TTC27: variants seen among roughly 807,000 people sequenced by gnomAD.
TTC27 encodes tetratricopeptide repeat domain 27.
TTC27 carries 79 observed loss-of-function variants against 115.9 expected under a neutral mutation model. The ratio of observed to expected loss-of-function variants is 0.68; its 90% CI spans 0.57 to 0.82. TTC27 has a LOEUF of 0.82. Ranked by LOEUF, TTC27 falls within the 40% of genes least tolerant of loss-of-function variation. The probability of loss-of-function intolerance (pLI) is 0.00; values close to 1 mark genes in which losing one functional copy is unlikely to be tolerated. For synonymous variants in TTC27, 401 were observed against 356.0 expected, an observed-to-expected ratio of 1.13 and a Z score of -1.42; for missense variants, 1,054 against 993.1, an observed-to-expected ratio of 1.06 and a Z score of -0.82.
intron 12 of TTC27, among the ~76,000 whole-genome samples, chr2:32,746,605 A>T (rs1424327148): frequency 6.7e-6 from 1 of 149,204 alleles, no homozygotes; most frequent in Non-Finnish European, 1.5e-5. Flanking sequence ...GTATATTCCC[A>T]TGGGGAAATA....
At chr2:32,723,970 G>GTTTTTTTTTTTTTTTTTTTT (rs1668025651) in intron 10 of TTC27, among the ~76,000 whole-genome samples, 27 of 66,264 alleles carry the variant, frequency 4.1e-4, no homozygotes, top group Middle Eastern at 0.01. Context: ...GCATACATAA[G>GTTTTTTTTTTTTTTTTTTTT]CTTTTTTTTT....
chr2:32,766,937 C>G (rs1669648771), intron 13 of TTC27, among the ~76,000 whole-genome samples: 1 of 152,068 alleles, frequency 6.6e-6, no homozygotes, highest in African/African-American at 2.4e-5. Flanking sequence ...AGGCATGCAC[C>G]ACCACGACCG....
chr2:32,763,176 C>T (rs992557248), intron 13 of TTC27, among the ~76,000 whole-genome samples: 5 of 152,184 alleles, frequency 3.3e-5, no homozygotes, highest in Admixed American at 6.5e-5. Context: ...CCAATTCAGG[C>T]GGGCGGTAAA....
At chr2:32,810,820 A>G (rs1053114705) in intron 16 of TTC27, among the ~76,000 whole-genome samples, 2 of 152,222 alleles carry the variant, frequency 1.3e-5, no homozygotes, top group Admixed American at 6.5e-5. Flanking sequence ...TTGAAGGGAC[A>G]TCAGAGAGGT....
At chr2:32,678,253 CAA>C (rs10710939) in intron 8 of TTC27, among the ~76,000 whole-genome samples, 1,131 of 99,096 alleles carry the variant, frequency 0.011, 19 homozygotes, top group East Asian at 0.081. Context: ...AGCCCTGTCT[CAA>C]AAAAAAAAAA....
intron 10 of TTC27, chr2:32,705,126 C>G (rs756522403): frequency 3.5e-5 from 10 of 289,516 alleles, no homozygotes; most frequent in Middle Eastern, 1.3e-3. Context: ...ATCCTAGTGC[C>G]CTCCCCACAG....
chr2:32,804,838 G>T (rs1412148750), intron 16 of TTC27, among the ~76,000 whole-genome samples: 1 of 151,908 alleles, frequency 6.6e-6, no homozygotes, highest in Non-Finnish European at 1.5e-5. Context: ...GTGATTGGCC[G>T]ATGAACCCAA....
chr2:32,799,482 C>T (rs533435555), intron 16 of TTC27, among the ~76,000 whole-genome samples: 3 of 152,244 alleles, frequency 2.0e-5, no homozygotes, highest in African/African-American at 7.2e-5. Flanking sequence ...GTTTATGATA[C>T]ACCAAACAAA....
intron 14 of TTC27, among the ~76,000 whole-genome samples, chr2:32,780,868 G>A (rs1273447296): frequency 2.7e-5 from 4 of 146,616 alleles, no homozygotes; most frequent in Admixed American, 2.7e-4. Context: ...TTTTTTTGTG[G>A]ACTCCTTAAA....
At chr2:32,642,546 C>T (rs944523510) in intron 4 of TTC27, among the ~76,000 whole-genome samples, 2 of 152,096 alleles carry the variant, frequency 1.3e-5, no homozygotes, top group Non-Finnish European at 2.9e-5. Context: ...AGCCACCGCA[C>T]CTGGCCTAAA....
rs57044153 is a variant in TTC27 at position 32,745,054 on chromosome 2, CAAAAAAAAAA to C, written c.1452+8256_1452+8265del. 1.1e-3 allele frequency among the ~76,000 whole-genome samples: 56 copies of C among 49,884 alleles called. 1 individual carries two copies. In the East Asian group the frequency reaches 0.034, roughly 30 times the overall value. The allele number at this position is 49,884 out of a possible 152,430, so 32.7% of individuals were successfully genotyped here. A position where few individuals can be genotyped will look rare whatever the true frequency, so the allele number is the denominator to read the frequency against. ...CTGGGCAACAGAGTGAACTCTGTCT[CAAAAAAAAAA>C]AAAAAAAAAAAAAAAAAGCACATAT... On this transcript the variant is annotated intron_variant, in intron 12 of 19. Coordinates refer to ENST00000317907, the MANE Select transcript of TTC27 (RefSeq NM_017735.5).
chr2:32,748,563 T>C lies in TTC27; in HGVS notation c.1453-9729T>C, dbSNP rs370847611. On this transcript the variant is annotated intron_variant, in intron 12 of 19. Coordinates refer to ENST00000317907, the MANE Select transcript of TTC27 (RefSeq NM_017735.5). ...TTGTTCAGTTGTTTATTTTTCTCTTTAGTTCTTTCAGTTTTTGCTTCATGC... is the reference window on the plus strand; with the variant it reads ...TTGTTCAGTTGTTTATTTTTCTCTTCAGTTCTTTCAGTTTTTGCTTCATGC... Among the ~76,000 whole-genome samples, 9 of 152,346 alleles carry C rather than the reference T, an allele frequency of 5.9e-5. No individual in the cohort carries two copies. In the East Asian group the frequency reaches 1.5e-3, roughly 26 times the overall value.
chr2:32,708,343 A>G (rs1667457756), intron 10 of TTC27, among the ~76,000 whole-genome samples: 1 of 69,414 alleles, frequency 1.4e-5, no homozygotes, highest in African/African-American at 5.6e-5. Flanking sequence ...ATGGAGTCTC[A>G]TTCTGTTGCC....
intron 3 of TTC27, among the ~76,000 whole-genome samples, 179 bp downstream of exon 3, chr2:32,634,184 A>T (rs762565219): frequency 2.0e-5 from 3 of 152,164 alleles, no homozygotes; most frequent in Non-Finnish European, 4.4e-5. Context: ...TTCCTTTGTC[A>T]AACTCCTCTT....
rs576053147 is a variant in TTC27 at position 32,641,791 on chromosome 2, G to A, written c.537+1381G>A. On this transcript the variant is annotated intron_variant, in intron 4 of 19. Transcript: ENST00000317907. ...CCTCCTGGGTTCAAGCAATTCTTCT[G>A]CCTCAGCCTCCCAAGTAGCTGGGAT... 1.2e-4 allele frequency among the ~76,000 whole-genome samples: 18 copies of A among 152,144 alleles called. No homozygotes were observed. In the East Asian group the frequency reaches 3.1e-3, roughly 26 times the overall value.
chr2:32,688,840 A>G (rs1230477724), intron 9 of TTC27, among the ~76,000 whole-genome samples: 1 of 152,148 alleles, frequency 6.6e-6, no homozygotes, highest in African/African-American at 2.4e-5. Context: ...TTATAAAATT[A>G]ATCATCAATT....
chr2:32,644,591 CTTTTTCTTTTTT>C (rs1559184515), intron 4 of TTC27, among the ~76,000 whole-genome samples: 1 of 151,700 alleles, frequency 6.6e-6, no homozygotes, highest in African/African-American at 2.4e-5. Flanking sequence ...TTGCCTTTTT[CTTTTTCTTTTTT>C]TTGAGATGGG....
chr2:32,759,077 G>A (rs956366322), intron 13 of TTC27, among the ~76,000 whole-genome samples: 2 of 152,168 alleles, frequency 1.3e-5, no homozygotes, highest in African/African-American at 4.8e-5. Context: ...ATCCATAGGA[G>A]TGGACCTAAT....
intron 13 of TTC27, among the ~76,000 whole-genome samples, chr2:32,764,539 T>A (rs1165484722): frequency 2.0e-5 from 3 of 152,246 alleles, no homozygotes; most frequent in Admixed American, 2.0e-4. Flanking sequence ...GGTTGCTGAC[T>A]GATCAGTGTG....
Sources: allele counts gnomAD v4.1 joint callset (sites outside exome capture counted in the v4.1 genomes callset), GRCh38; gene constraint gnomAD v4.1.1; transcripts MANE v1.5; gene names NCBI Gene and HGNC (gene_info 2026-07-23, HGNC 2026-07-21).